Variants in ORC3 observed in about 807,000 individuals in gnomAD.
ORC3 encodes the protein homolog of latheo, Drosophila.
Under a neutral mutation model 100.7 loss-of-function variants are expected in ORC3, and 78 were observed. The observed-to-expected ratio is 0.77, with a 90% CI of 0.65 to 0.94. ORC3 has a LOEUF of 0.94. Ranked by LOEUF, ORC3 falls within the 40% of genes least tolerant of loss-of-function variation. The pLI is 0.00. For missense variants in ORC3, 789 were observed against 823.9 expected (o/e 0.96, Z 0.52); for synonymous variants, 295 against 289.3 (o/e 1.02, Z -0.20).
At chr6:87,617,186 T>A (rs2128260331) in intron 9 of ORC3, among the ~76,000 whole-genome samples, 1 of 152,236 alleles carries the variant, frequency 6.6e-6, no homozygotes, top group East Asian at 1.9e-4. Context: ...ATAAAAAAGG[T>A]TTTTAGTTTC....
intron 16 of ORC3, among the ~76,000 whole-genome samples, chr6:87,661,191 A>G (rs1050114202): frequency 6.6e-6 from 1 of 152,210 alleles, no homozygotes; most frequent in Non-Finnish European, 1.5e-5. Flanking sequence ...AATGATTGGG[A>G]AATAACTGCC....
intron 13 of ORC3, among the ~76,000 whole-genome samples, chr6:87,646,757 C>T (rs1768824563): frequency 6.6e-6 from 1 of 152,212 alleles, no homozygotes; most frequent in Non-Finnish European, 1.5e-5. Flanking sequence ...GACATCTTAA[C>T]ATTACAGTGC....
At position 87,647,820 on chromosome 6, in the gene ORC3, G is replaced by A. The variant is rs1768919044; in HGVS notation, c.1383-5296G>A. On this transcript the variant is annotated intron_variant, in intron 13 of 19. Coordinates refer to ENST00000392844, the MANE Select transcript of ORC3 (RefSeq NM_012381.4). ...CTCAATCCTTAATTTTTTATTTGAGGTGCTATATATAAACACACTTTTTTG... is the reference window on the plus strand; with the variant it reads ...CTCAATCCTTAATTTTTTATTTGAGATGCTATATATAAACACACTTTTTTG... 6.6e-5 allele frequency among the ~76,000 whole-genome samples: 10 copies of A among 152,160 alleles called. No homozygotes were observed. The South Asian group carries it at 2.1e-3, about 31-fold the overall frequency.
At chr6:87,646,512 A>G (rs867518978) in intron 13 of ORC3, among the ~76,000 whole-genome samples, 1 of 152,242 alleles carries the variant, frequency 6.6e-6, no homozygotes, top group African/African-American at 2.4e-5. Context: ...CACTGTCTCT[A>G]ATTCTTCTCC....
intron 2 of ORC3, among the ~76,000 whole-genome samples, chr6:87,597,244 G>A (rs1777515747): frequency 6.6e-6 from 1 of 152,078 alleles, no homozygotes; most frequent in Non-Finnish European, 1.5e-5. Flanking sequence ...AAATAATATT[G>A]TGCATGAAAC....
intron 4 of ORC3, 152 bp downstream of exon 4, chr6:87,603,680 A>G (rs1374067265): frequency 1.2e-5 from 5 of 426,034 alleles, no homozygotes; most frequent in African/African-American, 8.2e-5. Context: ...TTTATATTAC[A>G]TATTTTCAAA....
chr6:87,639,860 C>A (rs1003831822), intron 13 of ORC3, among the ~76,000 whole-genome samples: 1 of 148,664 alleles, frequency 6.7e-6, no homozygotes, highest in Non-Finnish European at 1.5e-5. Flanking sequence ...ATTAGCCTGG[C>A]ATGGTGGTGC....
At chr6:87,651,233 G>C (rs1426695419) in intron 13 of ORC3, 1 of 456,250 alleles carries the variant, frequency 2.2e-6, no homozygotes, top group East Asian at 7.0e-5. Context: ...AAGAGCTGTT[G>C]CTGCCCCTAT....
At chr6:87,652,317 T>C (rs1769343168) in intron 13 of ORC3, among the ~76,000 whole-genome samples, 1 of 152,242 alleles carries the variant, frequency 6.6e-6, no homozygotes, top group Admixed American at 6.5e-5. Flanking sequence ...TTCCTTTTGA[T>C]GCCATTACTG....
intron 4 of ORC3, among the ~76,000 whole-genome samples, chr6:87,605,606 AGCTG>A (rs1389597727): frequency 4.6e-5 from 7 of 151,698 alleles, no homozygotes; most frequent in Non-Finnish European, 8.8e-5. Flanking sequence ...GCTGAGATTG[AGCTG>A]CTGCACTCCA....
At chr6:87,616,663 A>G (rs1779173853) in intron 9 of ORC3, among the ~76,000 whole-genome samples, 1 of 152,160 alleles carries the variant, frequency 6.6e-6, no homozygotes, top group Non-Finnish European at 1.5e-5. Flanking sequence ...ATTCTTAACC[A>G]TTTTGGGGGT....
downstream of ORC3, among the ~76,000 whole-genome samples, chr6:87,672,408 T>C (rs1770854065): frequency 6.6e-6 from 1 of 152,196 alleles, no homozygotes; most frequent in Admixed American, 6.5e-5. Context: ...AGAGGACTGC[T>C]GGAGCTGTAT....
intron 7 of ORC3, among the ~76,000 whole-genome samples, chr6:87,611,543 T>C (rs1778769118): frequency 6.6e-6 from 1 of 152,130 alleles, no homozygotes; most frequent in South Asian, 2.1e-4. Flanking sequence ...TCCCAGCACT[T>C]TGGGAGGCCG....
intron 11 of ORC3, among the ~76,000 whole-genome samples, chr6:87,623,816 G>A (rs1328259861): frequency 6.6e-6 from 1 of 152,048 alleles, no homozygotes; most frequent in Non-Finnish European, 1.5e-5. Flanking sequence ...CCTGGGAGGT[G>A]GAGGCTGTGG....
chr6:87,653,299 C>T (rs1769421240), intron 14 of ORC3, 50 bp downstream of exon 14: 2 of 1,561,646 alleles, frequency 1.3e-6, no homozygotes, highest in Non-Finnish European at 1.7e-6. Flanking sequence ...AGTCATTTAA[C>T]TAAAATGGCA....
intron 4 of ORC3, among the ~76,000 whole-genome samples, chr6:87,605,637 G>A (rs1024466412): frequency 4.0e-5 from 6 of 150,288 alleles, no homozygotes; most frequent in Non-Finnish European, 5.9e-5. Flanking sequence ...ATGACAGAGC[G>A]AGATTCTGTC....
intron 1 of ORC3, among the ~76,000 whole-genome samples, chr6:87,590,655 A>T (rs1323236533): frequency 6.6e-6 from 1 of 152,204 alleles, no homozygotes; most frequent in Non-Finnish European, 1.5e-5. Context: ...AACCTAATAT[A>T]GGTTGTCGGG....
At chr6:87,655,184 G>A (rs193274848) in intron 14 of ORC3, among the ~76,000 whole-genome samples, 1 of 152,062 alleles carries the variant, frequency 6.6e-6, no homozygotes, top group African/African-American at 2.4e-5. Context: ...AGGACAGAGT[G>A]TCATATCAGA....
chr6:87,594,459 G>A, intron 2 of ORC3, 52 bp downstream of exon 2: 1 of 1,478,398 alleles, frequency 6.8e-7, no homozygotes. Context: ...TAAACTATTA[G>A]GAACTAACCC....
Sources: allele counts gnomAD v4.1 joint callset (sites outside exome capture counted in the v4.1 genomes callset), GRCh38; gene constraint gnomAD v4.1.1; transcripts MANE v1.5; gene names NCBI Gene and HGNC (gene_info 2026-07-23, HGNC 2026-07-21).